The following ANKRD28 variants were observed in gnomAD, a reference collection of about 807,000 sequenced individuals.
ANKRD28 encodes ankyrin repeat domain 28.
In ANKRD28, 44 loss-of-function variants were observed where a neutral mutation model predicts 126.5. That is an observed-to-expected ratio of 0.35 (90% CI 0.27 to 0.45). The LOEUF (loss-of-function observed/expected upper bound fraction) is 0.45, where lower values mean the gene tolerates loss of function less well. ANKRD28 is among the 20% of genes least tolerant of loss of function. The pLI is 1.00. For synonymous variants in ANKRD28, 442 were observed against 468.5 expected, an observed-to-expected ratio of 0.94 and a Z score of 0.73; for missense variants, 1,110 against 1,316.6, an observed-to-expected ratio of 0.84 and a Z score of 2.43.
intron 26 of ANKRD28, 184 bp downstream of exon 26, chr3:15,676,790 A>G (rs1228849680): frequency 6.5e-6 from 3 of 462,450 alleles, no homozygotes; most frequent in Non-Finnish European, 1.1e-5. Flanking sequence ...GTTCAAAAGC[A>G]TTTTAAATAA....
chr3:15,742,959 A>G (rs954373974), intron 4 of ANKRD28, among the ~76,000 whole-genome samples: 8 of 151,760 alleles, frequency 5.3e-5, no homozygotes, highest in Non-Finnish European at 8.8e-5. Flanking sequence ...GAAAGGATTG[A>G]GAAATCGGAT....
At position 15,838,920 on chromosome 3, in the gene ANKRD28, T is replaced by TTATATC. The variant is rs1303086428; in HGVS notation, c.27+20456_27+20457insGATATA. 9.4e-4 allele frequency among the ~76,000 whole-genome samples: 143 copies of TTATATC among 152,336 alleles called. No individual in the cohort carries two copies. The highest frequency in any genetic ancestry group is 3.4e-3 in the African/African-American group (141 of 41,576). ...GTGATATATCCATACAATGGAATAC[T>TTATATC]ATTCAGCAACGAAGAACCAATTAAT... On this transcript the variant is annotated intron_variant, in intron 1 of 27. Transcript: ENST00000399451. This position sits in a 1 kb window ranked among gnomAD's most constrained non-coding sequence, Gnocchi z 4.0.
intron 14 of ANKRD28, among the ~76,000 whole-genome samples, chr3:15,700,824 A>T (rs2070470862): frequency 6.6e-6 from 1 of 152,160 alleles, no homozygotes. Context: ...ATTTTATTAC[A>T]GCAGAAAAAA....
intron 5 of ANKRD28, 53 bp downstream of exon 5, chr3:15,736,980 T>TG: frequency 1.9e-6 from 3 of 1,558,872 alleles, no homozygotes; most frequent in Middle Eastern, 1.7e-4. Context: ...CTTTAATAAG[T>TG]GGGGGGTGGA....
intron 27 of ANKRD28, among the ~76,000 whole-genome samples, chr3:15,673,459 G>T (rs2066585963): frequency 1.3e-5 from 2 of 152,202 alleles, no homozygotes; most frequent in African/African-American, 2.4e-5. Context: ...AACTGACAAA[G>T]ATTTCACTGT....
At chr3:15,726,530 G>A (rs1313937073) in intron 6 of ANKRD28, among the ~76,000 whole-genome samples, 1 of 152,238 alleles carries the variant, frequency 6.6e-6, no homozygotes, top group African/African-American at 2.4e-5. Flanking sequence ...AGAAAGGTTA[G>A]GAAGCTATAG....
In ANKRD28 at chr3:15,721,102, T is replaced by A; in HGVS notation, c.809A>T (p.Asn270Ile). 2 of 1,613,010 alleles carry A rather than the reference T, an allele frequency of 1.2e-6. No individual in the cohort carries two copies. The highest frequency in any genetic ancestry group is 2.2e-5 in the South Asian group (2 of 90,710). The change falls in exon 8 of 28, where the codon AAT becomes ATT. Residue 270 changes from asparagine to isoleucine, a missense_variant. Coordinates refer to ENST00000683139, the MANE Select transcript of ANKRD28 (RefSeq NM_001349278.2). ...ATAGCAGGCTACATGAAGAGGTGTA[T>A]TTCCATAGGCATTTGGTTCATTCAT... ...VDMNEPNAYG[N>I]TPLHVACYNG...
chr3:15,677,467 GATGTAT>G lies in ANKRD28; in HGVS notation c.2790+7_2790+12del, dbSNP rs2067064009. 1 of 1,585,472 alleles carries G rather than the reference GATGTAT, an allele frequency of 6.3e-7. No individual in the cohort carries two copies. Among genetic ancestry groups the G allele is most frequent in the Admixed American group, 1.7e-5 (1 of 59,702 alleles). Reference sequence around the variant, plus strand: ...ATTAACAATGGAAACATATTCTTAAGATGTATACATACCTTGCTACAAGCCAAATGG... The same window carrying G: ...ATTAACAATGGAAACATATTCTTAAGACATACCTTGCTACAAGCCAAATGG... On this transcript the variant is annotated splice_region_variant and intron_variant, in intron 25 of 27. Coordinates refer to ENST00000683139, the MANE Select transcript of ANKRD28 (RefSeq NM_001349278.2).
At chr3:15,740,693 T>C (rs948746651) in intron 4 of ANKRD28, among the ~76,000 whole-genome samples, 33 of 152,218 alleles carry the variant, frequency 2.2e-4, no homozygotes, top group Non-Finnish European at 3.7e-4. Context: ...TCTGGAAAGT[T>C]TGGGAAATAC....
chr3:15,696,515 C>G (rs1468538025), intron 14 of ANKRD28, among the ~76,000 whole-genome samples: 1 of 151,940 alleles, frequency 6.6e-6, no homozygotes, highest in Non-Finnish European at 1.5e-5. Flanking sequence ...TGAAGGCTAT[C>G]TTTTACACAG....
chr3:15,795,461 G>C (rs9875366), intron 1 of ANKRD28, among the ~76,000 whole-genome samples, 155 bp from the exon 2 acceptor site: 6,190 of 151,236 alleles, frequency 0.041, 400 homozygotes, highest in African/African-American at 0.14. Flanking sequence ...TCATGTCAAA[G>C]TACAGGATTC....
rs1280063213 is a variant in ANKRD28 at position 15,696,256 on chromosome 3, C to G, written c.1548-11G>C. ...AAGTATTCCAGGCACCTATATACAA[C>G]AACAACAACATACTGAAAATCCTAA... is the stretch of plus-strand genomic sequence containing the variant. On this transcript the variant is annotated splice_polypyrimidine_tract_variant and intron_variant, in intron 14 of 27. Transcript: ENST00000683139. 4 of 1,492,434 alleles carry G rather than the reference C, an allele frequency of 2.7e-6. No individual in the cohort carries two copies. In the African/African-American group the frequency reaches 5.5e-5, roughly 20 times the overall value. The allele number at this position is 1,492,434 out of a possible 1,614,324, so 92.4% of individuals were successfully genotyped here. A position where few individuals can be genotyped will look rare whatever the true frequency, so the allele number is the denominator to read the frequency against.
rs1199023679 is a variant in ANKRD28 at position 15,843,468 on chromosome 3, A to T, written c.27+15909T>A. Among the ~76,000 whole-genome samples the T allele has an allele frequency of 6.6e-6, 1 of 152,156 alleles. No individual in the cohort carries two copies. The highest frequency in any genetic ancestry group is 1.5e-5 in the Non-Finnish European group (1 of 68,026). On this transcript the variant is annotated intron_variant, in intron 1 of 27. Transcript: ENST00000399451. This position sits in a 1 kb window ranked among gnomAD's most constrained non-coding sequence, Gnocchi z 5.2. ...GTCCATCCGGACACCAATATACAAC[A>T]ATATGTAGTGGCAGGAGGAGAAGTA...
At position 15,668,433 on chromosome 3, in the gene ANKRD28, A is replaced by C. The variant is rs781166755; in HGVS notation, c.*1837T>G. ...ATGCATATTCACCTTCCTACTACTA[A>C]TAATTAGGAAGGGTTCATTATGACT... On this transcript the variant is annotated 3_prime_UTR_variant, in exon 28 of 28. Transcript: ENST00000683139. 1.2e-4 allele frequency: 19 copies of C among 152,616 alleles called. No homozygotes were observed. The highest frequency in any genetic ancestry group is 8.3e-4 in the South Asian group (4 of 4,812). 9.5% of individuals were successfully genotyped at this position (152,616 alleles called of 1,614,324 possible).
chr3:15,703,412 G>A (rs1259500154), intron 14 of ANKRD28, among the ~76,000 whole-genome samples: 1 of 152,274 alleles, frequency 6.6e-6, no homozygotes, highest in South Asian at 2.1e-4. Flanking sequence ...TAGGAGGTGG[G>A]GCCTTTAGGA....
intron 1 of ANKRD28, among the ~76,000 whole-genome samples, chr3:15,814,000 T>A (rs13078364): frequency 0.63 from 95,489 of 152,138 alleles, 31,387 homozygotes; most frequent in East Asian, 0.91. Context: ...CTTAGATTTA[T>A]AAGCCCCCTC....
rs749792427 is a variant in ANKRD28 at position 15,743,375 on chromosome 3, CA to C, written c.352-6143del. Among the ~76,000 whole-genome samples the C allele has an allele frequency of 5.2e-3, 772 of 147,960 alleles. 7 individuals are homozygous for C. The highest frequency in any genetic ancestry group is 0.011 in the Admixed American group (167 of 14,890). Reference sequence around the variant, plus strand: ...AATAAAAAACAAACAAACAAACAAACAAAAAAAAACAAAACATATTTGCAAA... The same window carrying C: ...AATAAAAAACAAACAAACAAACAAACAAAAAAAACAAAACATATTTGCAAA... On this transcript the variant is annotated intron_variant, in intron 4 of 27. Coordinates refer to ENST00000683139, the MANE Select transcript of ANKRD28 (RefSeq NM_001349278.2).
At chr3:15,671,957 T>C (rs998779197) in intron 27 of ANKRD28, among the ~76,000 whole-genome samples, 1 of 152,124 alleles carries the variant, frequency 6.6e-6, no homozygotes. Flanking sequence ...TCTGGCATTT[T>C]TGTGTAGCAT....
At chr3:15,702,088 T>G (rs2070713490) in intron 14 of ANKRD28, among the ~76,000 whole-genome samples, 1 of 152,242 alleles carries the variant, frequency 6.6e-6, no homozygotes, top group South Asian at 2.1e-4. Flanking sequence ...TAAATTTTCA[T>G]AATTACTCTG....
Sources: allele counts gnomAD v4.1 joint callset (sites outside exome capture counted in the v4.1 genomes callset), GRCh38; gene constraint gnomAD v4.1.1; non-coding constraint Gnocchi (gnomAD v3.1); transcripts MANE v1.5; gene names NCBI Gene and HGNC (gene_info 2026-07-23, HGNC 2026-07-21).